Variants in CAMK1D observed in about 807,000 individuals in gnomAD.
CAMK1D encodes the protein calcium/calmodulin-dependent protein kinase type 1D.
Under a neutral mutation model 47.7 loss-of-function variants are expected in CAMK1D, and 9 were observed. The ratio of observed to expected loss-of-function variants is 0.19; its 90% CI spans 0.11 to 0.33. CAMK1D has a LOEUF of 0.33. CAMK1D is among the 10% of genes least tolerant of loss of function. CAMK1D has a pLI of 1.00. For missense variants in CAMK1D, 291 were observed against 488.7 expected (o/e 0.60, Z 3.81); for synonymous variants, 184 against 184.9 (o/e 0.99, Z 0.04).
intron 3 of CAMK1D, 116 bp from the exon 4 acceptor site, chr10:12,760,832 C>CA (rs1376222558): frequency 8.6e-7 from 1 of 1,160,694 alleles, no homozygotes; most frequent in Non-Finnish European, 1.3e-6. Context: ...GGCAACATCT[C>CA]AATCTGAAGA....
chr10:12,569,480 G>T (rs1265344258), intron 2 of CAMK1D, among the ~76,000 whole-genome samples: 1 of 151,608 alleles, frequency 6.6e-6, no homozygotes, highest in Non-Finnish European at 1.5e-5. Context: ...GGAGGCCGAG[G>T]CAGGCAGATC....
intron 2 of CAMK1D, among the ~76,000 whole-genome samples, chr10:12,616,031 GT>G (rs1838799695): frequency 2.6e-5 from 4 of 151,186 alleles, no homozygotes; most frequent in South Asian, 4.2e-4. Context: ...TGCTGTGTGT[GT>G]GGGTGTGTGA....
At chr10:12,782,996 G>GTTTTTTTTT (rs869121653) in intron 5 of CAMK1D, among the ~76,000 whole-genome samples, 2 of 85,652 alleles carry the variant, frequency 2.3e-5, no homozygotes, top group African/African-American at 4.2e-5. Flanking sequence ...TTTTTTTTTT[G>GTTTTTTTTT]TTTTTTTTTT....
At chr10:12,613,180 CTT>C (rs1367793767) in intron 2 of CAMK1D, among the ~76,000 whole-genome samples, 1 of 152,144 alleles carries the variant, frequency 6.6e-6, no homozygotes, top group African/African-American at 2.4e-5. Flanking sequence ...CTCCAGGAAA[CTT>C]TTAAAAAAAG....
chr10:12,749,277 AT>A (rs1021607025), intron 3 of CAMK1D, among the ~76,000 whole-genome samples: 1 of 151,460 alleles, frequency 6.6e-6, no homozygotes. Flanking sequence ...AATCTTTGTC[AT>A]TTTTTTTAAC....
At chr10:12,485,532 G>A (rs897557253) in intron 1 of CAMK1D, among the ~76,000 whole-genome samples, 6 of 152,178 alleles carry the variant, frequency 3.9e-5, no homozygotes, top group South Asian at 4.1e-4. Context: ...ACAGGGAGCC[G>A]GTGGGTCTGC....
intron 4 of CAMK1D, among the ~76,000 whole-genome samples, chr10:12,761,932 C>G (rs1012045863): frequency 1.3e-5 from 2 of 152,170 alleles, no homozygotes; most frequent in Non-Finnish European, 2.9e-5. Context: ...TCTTTTCTTA[C>G]AGTTTCCTAA....
intron 1 of CAMK1D, among the ~76,000 whole-genome samples, chr10:12,368,092 T>C (rs940579459): frequency 4.6e-5 from 7 of 150,898 alleles, no homozygotes; most frequent in Admixed American, 1.3e-4. Context: ...CTCGGGAGGC[T>C]GAGGCAGGAG....
chr10:12,355,232 C>G (rs146051104), intron 1 of CAMK1D, among the ~76,000 whole-genome samples: 352 of 152,250 alleles, frequency 2.3e-3, no homozygotes, highest in African/African-American at 8.1e-3. Flanking sequence ...AGCAGTGTGT[C>G]TCCTTTTTCA....
At chr10:12,825,194 C>A (rs1330114171) in intron 9 of CAMK1D, among the ~76,000 whole-genome samples, 2 of 3,922 alleles carry the variant, frequency 5.1e-4, no homozygotes, top group African/African-American at 8.3e-4. Context: ...CAACCTAAAT[C>A]TTTCAGACAA....
At chr10:12,670,862 G>T (rs1588763928) in intron 3 of CAMK1D, among the ~76,000 whole-genome samples, 1 of 152,046 alleles carries the variant, frequency 6.6e-6, no homozygotes, top group South Asian at 2.1e-4. Context: ...AATGTTTTTT[G>T]TTATAGTCAC....
rs558229711 is a variant in CAMK1D at position 12,387,530 on chromosome 10, A to G, written c.92+37620A>G. Among the ~76,000 whole-genome samples, 5 of 141,116 alleles carry G rather than the reference A, an allele frequency of 3.5e-5. No homozygotes were observed. In the South Asian group the frequency reaches 1.1e-3, roughly 32 times the overall value. 92.6% of individuals were successfully genotyped at this position (141,116 alleles called of 152,430 possible). ...CTCGGTTGCTTTTTTTTTTTGAGACAGGGTCTGGCTCCGTGGCCCAGGCTG... is the reference window on the plus strand; with the variant it reads ...CTCGGTTGCTTTTTTTTTTTGAGACGGGGTCTGGCTCCGTGGCCCAGGCTG... On this transcript the variant is annotated intron_variant, in intron 1 of 10. Coordinates refer to ENST00000619168, the MANE Select transcript of CAMK1D (RefSeq NM_153498.4).
intron 6 of CAMK1D, among the ~76,000 whole-genome samples, chr10:12,795,896 CA>C (rs1056670719): frequency 1.3e-5 from 2 of 152,150 alleles, no homozygotes; most frequent in Non-Finnish European, 2.9e-5. Context: ...CTTATGCTGC[CA>C]GGAAGGGCTG....
At chr10:12,470,499 CTTCTTCTTCTTT>C (rs886962219) in intron 1 of CAMK1D, among the ~76,000 whole-genome samples, 3 of 149,982 alleles carry the variant, frequency 2.0e-5, no homozygotes, top group Non-Finnish European at 4.4e-5. Flanking sequence ...GTGTATGCTT[CTTCTTCTTCTTT>C]TTCTTCTTCT....
At position 12,557,185 on chromosome 10, in the gene CAMK1D, T is replaced by C. The variant is rs1050390550; in HGVS notation, c.224+3829T>C. 6.6e-5 allele frequency among the ~76,000 whole-genome samples: 10 copies of C among 152,306 alleles called. No homozygotes were observed. In the South Asian group the frequency reaches 8.3e-4, roughly 13 times the overall value. ...GCCCTGGTAGAGAGGTCCAGTTGAC[T>C]GTCCAGTTCTGGAACTCAGATTGTG... On this transcript the variant is annotated intron_variant, in intron 2 of 10. Transcript: ENST00000619168.
At chr10:12,825,884 C>CCCAA (rs776615009) in intron 10 of CAMK1D, 194 bp downstream of exon 10, 4 of 845,116 alleles carry the variant, frequency 4.7e-6, no homozygotes, top group Non-Finnish European at 7.1e-6. Context: ...CGCCTGTAAT[C>CCCAA]CCAACACTTT....
At chr10:12,662,960 T>C (rs1299188588) in intron 2 of CAMK1D, among the ~76,000 whole-genome samples, 1 of 152,168 alleles carries the variant, frequency 6.6e-6, no homozygotes. Context: ...TGTTTGTTTT[T>C]GTTTTCGTTT....
intron 1 of CAMK1D, among the ~76,000 whole-genome samples, chr10:12,397,346 G>A (rs1838999707): frequency 6.6e-6 from 1 of 152,156 alleles, no homozygotes; most frequent in Non-Finnish European, 1.5e-5. Context: ...GACCCTTGGA[G>A]CCTTCTAAGG....
At chr10:12,402,999 C>T (rs760735848) in intron 1 of CAMK1D, among the ~76,000 whole-genome samples, 5 of 152,034 alleles carry the variant, frequency 3.3e-5, no homozygotes, top group Non-Finnish European at 7.4e-5. Context: ...AGGATTATAA[C>T]CTGCAAGCAG....
Sources: allele counts gnomAD v4.1 joint callset (sites outside exome capture counted in the v4.1 genomes callset), GRCh38; gene constraint gnomAD v4.1.1; transcripts MANE v1.5; gene names NCBI Gene and HGNC (gene_info 2026-07-23, HGNC 2026-07-21).